The following PPP4R2 variants were observed in gnomAD, a reference collection of about 807,000 sequenced individuals.
PPP4R2 encodes the protein protein phosphatase 4 regulatory subunit 2, also known as serine/threonine-protein phosphatase 4 regulatory subunit 2.
In PPP4R2, 13 loss-of-function variants were observed where a neutral mutation model predicts 47.2. The observed-to-expected ratio is 0.28, with a 90% CI of 0.18 to 0.44. PPP4R2 has a LOEUF of 0.44. Among genes scored for constraint, PPP4R2 ranks in the 20% least tolerant of loss-of-function variants. The probability of loss-of-function intolerance (pLI) is 1.00; values close to 1 mark genes in which losing one functional copy is unlikely to be tolerated. For missense variants in PPP4R2, 421 were observed against 491.2 expected (o/e 0.86, Z 1.35); for synonymous variants, 151 against 163.3 (o/e 0.92, Z 0.57).
chr3:73,065,261 T>TC, intron 8 of PPP4R2, 120 bp downstream of exon 8: 2 of 1,308,912 alleles, frequency 1.5e-6, no homozygotes, highest in Non-Finnish European at 2.1e-6. Flanking sequence ...GTTGGGCTTT[T>TC]CTCCCACCTG....
intron 2 of PPP4R2, among the ~76,000 whole-genome samples, chr3:73,037,316 A>G (rs1172691139): frequency 6.6e-6 from 1 of 152,158 alleles, no homozygotes; most frequent in Non-Finnish European, 1.5e-5. Context: ...TCTTTCTTTA[A>G]AAAGATGTAT....
At chr3:73,042,031 A>T (rs1233802162) in intron 2 of PPP4R2, among the ~76,000 whole-genome samples, 2 of 152,206 alleles carry the variant, frequency 1.3e-5, no homozygotes, top group African/African-American at 4.8e-5. Flanking sequence ...AGGGGAGAAG[A>T]AAAAGGAAGT....
Position 73,065,728 on chromosome 3 carries a change from T to G in PPP4R2, c.*6T>G. On this transcript the variant is annotated 3_prime_UTR_variant, in exon 9 of 9. Coordinates refer to ENST00000356692, the MANE Select transcript of PPP4R2 (RefSeq NM_174907.4). ...AACCAATGGAACAAGACTAACTATT[T>G]AGAAACATTTAGATGCAGTATTTTA... The G allele has an allele frequency of 6.4e-7, 1 of 1,567,274 alleles. No homozygotes were observed. The highest frequency in any genetic ancestry group is 8.7e-7 in the Non-Finnish European group (1 of 1,149,696).
chr3:73,025,603 T>G (rs374371531), intron 2 of PPP4R2, among the ~76,000 whole-genome samples: 2 of 152,100 alleles, frequency 1.3e-5, no homozygotes, highest in African/African-American at 2.4e-5. Context: ...AAGGAATATT[T>G]AGCAGTGCAT....
intron 3 of PPP4R2, among the ~76,000 whole-genome samples, chr3:73,050,066 G>A (rs1474992439): frequency 6.6e-6 from 1 of 151,944 alleles, no homozygotes; most frequent in Non-Finnish European, 1.5e-5. Flanking sequence ...TCAACCTCTC[G>A]AGTAGCTGGC....
At chr3:73,062,828 TGG>T in intron 5 of PPP4R2, 4 of 1,613,918 alleles carry the variant, frequency 2.5e-6, no homozygotes, top group Non-Finnish European at 3.4e-6. Context: ...GACCATGGGT[TGG>T]AGAATTAATG....
At chr3:73,046,131 GCTGCTGTC>G (rs1003578577) in intron 2 of PPP4R2, among the ~76,000 whole-genome samples, 4 of 152,174 alleles carry the variant, frequency 2.6e-5, no homozygotes, top group Non-Finnish European at 5.9e-5. Flanking sequence ...ACAGTTTGGT[GCTGCTGTC>G]CTGACTCTTG....
intron 4 of PPP4R2, among the ~76,000 whole-genome samples, chr3:73,060,301 T>C (rs1702826220): frequency 6.6e-6 from 1 of 152,232 alleles, no homozygotes; most frequent in Non-Finnish European, 1.5e-5. Flanking sequence ...GTACTTACTT[T>C]TCAGCTCCAG....
chr3:73,064,356 TTATG>T (rs985422430), intron 7 of PPP4R2, among the ~76,000 whole-genome samples: 6 of 152,290 alleles, frequency 3.9e-5, no homozygotes, highest in Admixed American at 6.5e-5. Flanking sequence ...TGGAGACTGT[TTATG>T]TAGGGTCTAA....
chr3:73,015,019 C>T (rs925069597), intron 2 of PPP4R2: 6 of 661,110 alleles, frequency 9.1e-6, no homozygotes, highest in East Asian at 5.5e-5. Context: ...TTTTTTTCCT[C>T]GAAATATACT....
intron 2 of PPP4R2, among the ~76,000 whole-genome samples, chr3:73,012,392 C>T (rs1215343994): frequency 6.6e-6 from 1 of 152,070 alleles, no homozygotes; most frequent in Non-Finnish European, 1.5e-5. Context: ...CTCTGGCTTC[C>T]GGGTTCACGC....
At chr3:73,005,372 G>A (rs1553644800) in intron 2 of PPP4R2, among the ~76,000 whole-genome samples, 1 of 150,788 alleles carries the variant, frequency 6.6e-6, no homozygotes, top group Non-Finnish European at 1.5e-5. Context: ...TCTACACACT[G>A]GTGGTGTAGT....
In PPP4R2 at chr3:73,016,813, C is replaced by CTTT. The variant is rs1207946652; in HGVS notation, c.116+18675_116+18677dup. Among the ~76,000 whole-genome samples, 489 of 72,768 alleles carry CTTT rather than the reference C, an allele frequency of 6.7e-3. 21 individuals carry two copies. Among genetic ancestry groups the CTTT allele is most frequent in the Non-Finnish European group, 6.9e-3 (283 of 40,748 alleles). The allele number at this position is 72,768 out of a possible 152,430, so 47.7% of individuals were successfully genotyped here. On this transcript the variant is annotated intron_variant, in intron 2 of 8. Coordinates refer to ENST00000356692, the MANE Select transcript of PPP4R2 (RefSeq NM_174907.4). ...AACTGGCTTTACTGGTTCATTGTTT[C>CTTT]TTTTTTTTTTTTTTTTTTTTTTAAA...
intron 3 of PPP4R2, among the ~76,000 whole-genome samples, chr3:73,056,323 T>C (rs1476213024): frequency 6.6e-6 from 1 of 152,244 alleles, no homozygotes; most frequent in Non-Finnish European, 1.5e-5. Flanking sequence ...TTACTGTAAT[T>C]GTAATTATTT....
At chr3:73,002,634 C>CTTTTCTT (rs1205542107) in intron 2 of PPP4R2, among the ~76,000 whole-genome samples, 15 of 41,164 alleles carry the variant, frequency 3.6e-4, no homozygotes, top group African/African-American at 1.1e-3. Context: ...CTTTTCTTTT[C>CTTTTCTT]TTTTTTTTTT....
chr3:73,053,731 A>T (rs1702667672), intron 3 of PPP4R2, among the ~76,000 whole-genome samples: 1 of 151,248 alleles, frequency 6.6e-6, no homozygotes, highest in Non-Finnish European at 1.5e-5. Context: ...AACACTGTGA[A>T]ACCCCGTCTC....
intron 2 of PPP4R2, among the ~76,000 whole-genome samples, chr3:73,035,271 A>T (rs1702242166): frequency 6.6e-6 from 1 of 152,130 alleles, no homozygotes; most frequent in Non-Finnish European, 1.5e-5. Flanking sequence ...ATGGTGGCAC[A>T]CACCTGTAGT....
At chr3:73,062,191 T>C in intron 5 of PPP4R2, 1 of 1,568,126 alleles carries the variant, frequency 6.4e-7, no homozygotes, top group East Asian at 2.3e-5. Flanking sequence ...CTTAACAAAA[T>C]TAAAGAATTA....
chr3:73,039,974 A>C (rs563848906), intron 2 of PPP4R2, among the ~76,000 whole-genome samples: 4 of 152,292 alleles, frequency 2.6e-5, no homozygotes, highest in Admixed American at 6.5e-5. Flanking sequence ...GAATTGCTTG[A>C]ACCAGGGAGG....
Sources: gnomAD v4.1 joint callset for allele counts (sites outside exome capture counted in the v4.1 genomes callset) on GRCh38, gnomAD v4.1.1 for gene constraint, MANE v1.5 for transcripts, NCBI Gene and HGNC (gene_info 2026-07-23, HGNC 2026-07-21) for gene names.